The following CXADR variants were observed in gnomAD, a reference collection of about 807,000 sequenced individuals.
CXADR encodes CXADR cell adhesion molecule.
CXADR carries 20 observed loss-of-function variants against 40.3 expected under a neutral mutation model. The ratio of observed to expected loss-of-function variants is 0.50; its 90% CI spans 0.35 to 0.72. CXADR has a LOEUF of 0.72. Among genes scored for constraint, CXADR ranks in the 30% least tolerant of loss-of-function variants. CXADR has a pLI of 0.01. For missense variants in CXADR, 332 were observed against 449.1 expected, an observed-to-expected ratio of 0.74 and a Z score of 2.36; for synonymous variants, 150 against 161.3, an observed-to-expected ratio of 0.93 and a Z score of 0.53.
chr21:17,582,042 A>C (rs1433567730), intron 7 of CXADR, among the ~76,000 whole-genome samples: 3 of 380 alleles, frequency 7.9e-3, no homozygotes. Context: ...TCCCGGGTTC[A>C]AGTGATTCTC....
chr21:17,529,001 C>CT (rs2060635156), intron 1 of CXADR, among the ~76,000 whole-genome samples: 1 of 144,218 alleles, frequency 6.9e-6, no homozygotes. Flanking sequence ...TGGGGAGGTA[C>CT]TTTTTATTGT....
At chr21:17,528,306 C>T (rs930187915) in intron 1 of CXADR, among the ~76,000 whole-genome samples, 94 of 151,672 alleles carry the variant, frequency 6.2e-4, no homozygotes, top group Non-Finnish European at 1.8e-4. Context: ...AATTTCCTGA[C>T]CTCGTGATTC....
chr21:17,612,133 C>G, the CXADR span: 1 of 152,302 alleles, frequency 6.6e-6, no homozygotes, highest in Non-Finnish European at 1.5e-5. Context: ...TTGAAAGAAC[C>G]GCCTTGAGCT....
At chr21:17,535,480 G>A (rs1028392433) in intron 1 of CXADR, among the ~76,000 whole-genome samples, 1 of 152,118 alleles carries the variant, frequency 6.6e-6, no homozygotes, top group Non-Finnish European at 1.5e-5. Context: ...GATGGTTACA[G>A]GGGTGAGCCA....
chr21:17,577,609 A>C (rs2061330601), intron 7 of CXADR, among the ~76,000 whole-genome samples: 1 of 83,204 alleles, frequency 1.2e-5, no homozygotes, highest in Non-Finnish European at 2.3e-5. Flanking sequence ...ACCATTCTGC[A>C]AGCTTTTTTT....
At chr21:17,587,003 C>T (rs13049951) in intron 7 of CXADR, among the ~76,000 whole-genome samples, 28,896 of 151,890 alleles carry the variant, frequency 0.19, 2,879 homozygotes, top group East Asian at 0.22. Context: ...GTTTTTTGTC[C>T]TTGCAGTAGT....
In CXADR at chr21:17,535,452, C is replaced by T. The variant is rs144790860; in HGVS notation, c.44-11575C>T. On this transcript the variant is annotated intron_variant, in intron 1 of 6. Coordinates refer to ENST00000284878, the MANE Select transcript of CXADR (RefSeq NM_001338.5). Reference sequence around the variant, plus strand: ...GACTCAAGTGATCTTTCCTCCTCAGCGCCTCCGAAAGTGCTGGGATGGTTA... The same window carrying T: ...GACTCAAGTGATCTTTCCTCCTCAGTGCCTCCGAAAGTGCTGGGATGGTTA... Among the ~76,000 whole-genome samples the T allele has an allele frequency of 5.1e-3, 767 of 151,052 alleles. 5 individuals carry two copies. Among genetic ancestry groups the T allele is most frequent in the Non-Finnish European group, 8.3e-3 (560 of 67,700 alleles).
chr21:17,576,672 G>T (rs1341624039), intron 7 of CXADR: 2 of 152,086 alleles, frequency 1.3e-5, no homozygotes, highest in African/African-American at 4.8e-5. Flanking sequence ...AAGATTTATG[G>T]TTACCCTGCC....
the CXADR span, among the ~76,000 whole-genome samples, chr21:17,623,413 A>G: frequency 2.0e-5 from 3 of 152,226 alleles, no homozygotes; most frequent in East Asian, 5.8e-4. Context: ...TTGTATTCAC[A>G]AATCAGAAAA....
At chr21:17,631,599 T>C in the CXADR span, among the ~76,000 whole-genome samples, 1 of 152,232 alleles carries the variant, frequency 6.6e-6, no homozygotes, top group Non-Finnish European at 1.5e-5. Context: ...TAGTAATCAG[T>C]GCCAACTCCA....
At chr21:17,635,994 G>A in the CXADR span, among the ~76,000 whole-genome samples, 1 of 152,102 alleles carries the variant, frequency 6.6e-6, no homozygotes, top group East Asian at 1.9e-4. Flanking sequence ...AGTTTTCAGT[G>A]TACAGGTCTT....
chr21:17,567,029 T>C lies in CXADR; in HGVS notation c.*1337T>C, dbSNP rs1283968365. Reference sequence around the variant, plus strand: ...TCCTCCTTGCCAAATGTGCTAAATATCATTTTAGGAGAAGAAAGTGGGTTT... The same window carrying C: ...TCCTCCTTGCCAAATGTGCTAAATACCATTTTAGGAGAAGAAAGTGGGTTT... On this transcript the variant is annotated 3_prime_UTR_variant, in exon 7 of 7. Coordinates refer to ENST00000284878, the MANE Select transcript of CXADR (RefSeq NM_001338.5). The C allele has an allele frequency of 1.0e-6, 1 of 981,926 alleles. No individual in the cohort carries two copies. Among genetic ancestry groups the C allele is most frequent in the African/African-American group, 1.8e-5 (1 of 57,138 alleles). 60.8% of individuals were successfully genotyped at this position (981,926 alleles called of 1,614,324 possible). A position where few individuals can be genotyped will look rare whatever the true frequency, so the allele number is the denominator to read the frequency against.
chr21:17,598,625 C>G, the CXADR span: 5 of 1,613,866 alleles, frequency 3.1e-6, no homozygotes, highest in Non-Finnish European at 4.2e-6. Context: ...ACCTGGTACA[C>G]AGGACTTGCG....
At chr21:17,533,964 G>A (rs1387362786) in intron 1 of CXADR, among the ~76,000 whole-genome samples, 1 of 144,996 alleles carries the variant, frequency 6.9e-6, no homozygotes, top group Non-Finnish European at 1.5e-5. Flanking sequence ...AGACAATGAA[G>A]AGCATAATTT....
chr21:17,617,178 C>G, the CXADR span, among the ~76,000 whole-genome samples: 2 of 152,124 alleles, frequency 1.3e-5, no homozygotes, highest in Non-Finnish European at 2.9e-5. Flanking sequence ...TTTATGTGAA[C>G]TAGGTTAGGG....
At chr21:17,624,135 G>A in the CXADR span, among the ~76,000 whole-genome samples, 4 of 151,940 alleles carry the variant, frequency 2.6e-5, no homozygotes, top group Admixed American at 6.6e-5. Context: ...AAGCCCCACA[G>A]TAGCTGACCC....
At chr21:17,614,778 T>C in the CXADR span, among the ~76,000 whole-genome samples, 1 of 152,156 alleles carries the variant, frequency 6.6e-6, no homozygotes, top group Non-Finnish European at 1.5e-5. Context: ...CTGAACACTG[T>C]GAAATAGACA....
chr21:17,603,425 C>T, the CXADR span, among the ~76,000 whole-genome samples: 1 of 152,066 alleles, frequency 6.6e-6, no homozygotes, highest in African/African-American at 2.4e-5. Flanking sequence ...AAACTTACAC[C>T]AACCACTGGC....
chr21:17,560,814 CGTT>C lies in CXADR; in HGVS notation c.687_689del (p.Val230del). On this transcript the variant is annotated inframe_deletion, in exon 5 of 7. Transcript: ENST00000284878. ...CTGATCAGTGCCTGTTGCGTCTAAA[CGTT>C]GTCCCTCGTAAGTTATCTTCTTTCT... is the stretch of plus-strand genomic sequence containing the variant. The C allele has an allele frequency of 6.2e-7, 1 of 1,613,386 alleles. No homozygotes were observed. The highest frequency in any genetic ancestry group is 1.1e-5 in the South Asian group (1 of 91,000).
Sources: gnomAD v4.1 joint callset for allele counts (sites outside exome capture counted in the v4.1 genomes callset) on GRCh38, gnomAD v4.1.1 for gene constraint, MANE v1.5 for transcripts, NCBI Gene and HGNC (gene_info 2026-07-23, HGNC 2026-07-21) for gene names.